The following LTBP2 variants were observed in gnomAD, a reference collection of about 807,000 sequenced individuals.
LTBP2 encodes the protein latent-transforming growth factor beta-binding protein 2.
Under a neutral mutation model 210.6 loss-of-function variants are expected in LTBP2, and 103 were observed. The ratio of observed to expected loss-of-function variants is 0.49; its 90% CI spans 0.42 to 0.58. The LOEUF (loss-of-function observed/expected upper bound fraction) is 0.58, where lower values mean the gene tolerates loss of function less well. Ranked by LOEUF, LTBP2 falls within the 20% of genes least tolerant of loss-of-function variation. The probability of loss-of-function intolerance (pLI) is 0.00; values close to 1 mark genes in which losing one functional copy is unlikely to be tolerated. For missense variants in LTBP2, 2,313 were observed against 2,494.5 expected, an observed-to-expected ratio of 0.93 and a Z score of 1.55; for synonymous variants, 1,007 against 1,015.0, an observed-to-expected ratio of 0.99 and a Z score of 0.15.
chr14:74,507,092 TC>T, intron 26 of LTBP2, 86 bp downstream of exon 26: 1 of 1,608,376 alleles, frequency 6.2e-7, no homozygotes, highest in Non-Finnish European at 8.5e-7. Flanking sequence ...AAAAATCGTG[TC>T]CTCAGGAGAA....
At chr14:74,503,757 A>T in intron 31 of LTBP2, 151 bp from the exon 32 acceptor site, 1 of 1,423,372 alleles carries the variant, frequency 7.0e-7, no homozygotes, top group East Asian at 2.5e-5. Flanking sequence ...CCTCCTGGGG[A>T]CAATCTCTGA....
chr14:74,504,843 C>A lies in LTBP2; in HGVS notation c.4388G>T (p.Cys1463Phe). 6.2e-7 allele frequency: 1 copy of A among 1,614,140 alleles called. No individual in the cohort carries two copies. The highest frequency in any genetic ancestry group is 8.5e-7 in the Non-Finnish European group (1 of 1,180,002). Reference sequence around the variant, plus strand: ...AGGAATGTAGCCTTTTCCACTAGGGCAGATCTCGCTGAATTCAGCTATGTA... The same window carrying A: ...AGGAATGTAGCCTTTTCCACTAGGGAAGATCTCGCTGAATTCAGCTATGTA... ...SEDSAEFSEI[C>F]PSGKGYIPVE... Residue 1463 changes from cysteine (C) to phenylalanine (F), a missense_variant, in exon 30 of 36, where the codon TGC (cysteine) becomes TTC (phenylalanine). Physicochemically the swap from Cys to Phe is radical, Grantham distance 205. This residue lies in a region of LTBP2 where 443 missense variants were observed against 501.4 expected (regional missense o/e 0.88). Transcript: ENST00000261978.
intron 3 of LTBP2, among the ~76,000 whole-genome samples, chr14:74,577,268 C>A (rs1386547869): frequency 6.6e-6 from 1 of 152,150 alleles, no homozygotes; most frequent in Non-Finnish European, 1.5e-5. Context: ...TTGAGTTAAC[C>A]CCGCAGAGAA....
intron 8 of LTBP2, among the ~76,000 whole-genome samples, chr14:74,544,985 C>CAGGCCGGGGCTACATGTTGCTAAA (rs1210641007): frequency 6.6e-6 from 1 of 152,190 alleles, no homozygotes; most frequent in African/African-American, 2.4e-5. Flanking sequence ...TCTCTTAACG[C>CAGGCCGGGGCTACATGTTGCTAAA]AGGCCGGGGC....
chr14:74,514,833 A>C (rs976865500), intron 18 of LTBP2, among the ~76,000 whole-genome samples: 2 of 152,182 alleles, frequency 1.3e-5, no homozygotes, highest in Non-Finnish European at 2.9e-5. Context: ...CTGGGCTCCC[A>C]GGGTGATGGG....
intron 8 of LTBP2, among the ~76,000 whole-genome samples, chr14:74,543,195 G>A (rs530608770): frequency 1.8e-3 from 266 of 151,890 alleles, no homozygotes; most frequent in Non-Finnish European, 3.2e-3. Context: ...CAGCTAACAC[G>A]GTGAAACTCC....
chr14:74,507,250 C>A lies in LTBP2; in HGVS notation c.3836G>T (p.Ser1279Ile). 1 of 1,614,234 alleles carries A rather than the reference C, an allele frequency of 6.2e-7. No homozygotes were observed. Among genetic ancestry groups the A allele is most frequent in the South Asian group, 1.1e-5 (1 of 91,090 alleles). ...PVCGTWKCEN[S>I]PGSYRCVLGC... is the part of the protein sequence containing the mutation. ...CAGAACACAGCGGTAGGAGCCAGGG[C>A]TGTTTTCACACTTCCAGGTGCCACA... The change falls in exon 26 of 36, where the codon AGC becomes ATC. Residue 1279 changes from serine (S) to isoleucine (I), a missense_variant. Coordinates refer to ENST00000261978, the MANE Select transcript of LTBP2 (RefSeq NM_000428.3).
At chr14:74,555,730 G>A in intron 3 of LTBP2, 37 bp from the exon 4 acceptor site, 1 of 1,451,208 alleles carries the variant, frequency 6.9e-7, no homozygotes, top group Non-Finnish European at 9.2e-7. Flanking sequence ...TTTGCACCCT[G>A]GGAACAGTGT....
chr14:74,581,240 G>A (rs2088132699), intron 3 of LTBP2, among the ~76,000 whole-genome samples: 4 of 152,236 alleles, frequency 2.6e-5, no homozygotes, highest in Admixed American at 2.6e-4. Flanking sequence ...AGTGGGTGTG[G>A]TTGGCCCCCA....
intron 3 of LTBP2, among the ~76,000 whole-genome samples, chr14:74,585,448 G>A (rs1030482118): frequency 1.2e-4 from 18 of 152,198 alleles, no homozygotes; most frequent in African/African-American, 4.3e-4. Context: ...TCATAGCACA[G>A]GTATTATCAT....
In LTBP2 at chr14:74,522,790, C is replaced by T. The variant is rs1281004619; in HGVS notation, c.2659G>A (p.Asp887Asn). The stretch of plus-strand genomic sequence containing the variant: ...AAGCCCAGGGCACCCAAGTGAATAC[C>T]TGTGCAGTAGGCCTGGCTGGGGTGC... ...QLHPSQAYCT[D>N]DNECLRDPCK... The change falls in exon 16 of 36, where the codon GAT becomes AAT. Residue 887 changes from aspartate (D) to asparagine (N), a missense_variant and splice_region_variant. Asp to Asn is a conservative substitution (Grantham distance 23). Transcript: ENST00000261978. 1.9e-6 allele frequency: 3 copies of T among 1,610,516 alleles called. No homozygotes were observed. The highest frequency in any genetic ancestry group is 2.2e-5 in the East Asian group (1 of 44,854).
At chr14:74,527,967 C>G (rs1203133573) in intron 12 of LTBP2, among the ~76,000 whole-genome samples, 1 of 152,230 alleles carries the variant, frequency 6.6e-6, no homozygotes, top group Non-Finnish European at 1.5e-5. Context: ...TTACCAGTGA[C>G]CTGGGCATGA....
In LTBP2 at chr14:74,502,789, G is replaced by T; in HGVS notation, c.5034C>A (p.Asn1678Lys). 1 of 1,614,190 alleles carries T rather than the reference G, an allele frequency of 6.2e-7. No individual in the cohort carries two copies. The highest frequency in any genetic ancestry group is 8.5e-7 in the Non-Finnish European group (1 of 1,179,990). The change falls in exon 34 of 36, where the codon AAC (asparagine) becomes AAA (lysine). Residue 1678 changes from asparagine to lysine, a missense_variant. By Grantham distance (94) the Asn-to-Lys change is moderately conservative. Around this residue, in one of 3 missense-constraint regions of LTBP2, gnomAD observed 443 missense variants for 501.4 expected, o/e 0.88. Coordinates refer to ENST00000261978, the MANE Select transcript of LTBP2 (RefSeq NM_000428.3). The stretch of plus-strand genomic sequence containing the variant: ...GGACGGTGTCCTCGGGGCCCAGGTA[G>T]TTGTAGAAGGGGGCCCCATCTGGGC... ...IYGPDGAPFY[N>K]YLGPEDTVPE... is the part of the protein sequence containing the mutation.
At chr14:74,540,857 T>A (rs12891493) in intron 8 of LTBP2, among the ~76,000 whole-genome samples, 29 of 73,716 alleles carry the variant, frequency 3.9e-4, no homozygotes, top group South Asian at 3.8e-3. Flanking sequence ...ATTATATATA[T>A]TATATATATT....
At chr14:74,567,156 C>T (rs1444052070) in intron 3 of LTBP2, among the ~76,000 whole-genome samples, 1 of 152,174 alleles carries the variant, frequency 6.6e-6, no homozygotes, top group Non-Finnish European at 1.5e-5. Context: ...GGCACCCAGC[C>T]CTTGCCTGCA....
rs2088618218 is a variant in LTBP2 at position 74,611,858 on chromosome 14, G to A, written c.87C>T (p.Phe29=). ...CCCTTTGGGCATGACCCGCGCCCAC[G>A]AAGAGAGCCAGGGTGAGCGGCAGGA... ...RGFLPLTLAL[F]VGAGHAQRDP... is the part of the protein sequence containing the mutation. The change falls in exon 1 of 36, where the codon TTC becomes TTT. Residue 29 remains phenylalanine (F), a synonymous_variant. Transcript: ENST00000261978. 6.2e-7 allele frequency: 1 copy of A among 1,610,798 alleles called. No homozygotes were observed. Among genetic ancestry groups the A allele is most frequent in the African/African-American group, 1.3e-5 (1 of 75,016 alleles).
intron 8 of LTBP2, among the ~76,000 whole-genome samples, chr14:74,539,370 T>A (rs1205165583): frequency 6.6e-6 from 1 of 152,056 alleles, no homozygotes; most frequent in African/African-American, 2.4e-5. Flanking sequence ...AAGAGCTGGG[T>A]GAGCCAGCAG....
chr14:74,553,109 G>A, intron 4 of LTBP2, 47 bp from the exon 5 acceptor site: 3 of 1,586,074 alleles, frequency 1.9e-6, no homozygotes, highest in Non-Finnish European at 2.6e-6. Context: ...GAGAGGCACA[G>A]CTGTGACCTC....
rs79520047 is a variant in LTBP2, at chr14:74,550,538, G to T, written c.1686+526C>A. 1.5e-4 allele frequency among the ~76,000 whole-genome samples: 23 copies of T among 152,272 alleles called. No homozygotes were observed. In the East Asian group the frequency reaches 2.7e-3, roughly 18 times the overall value. Reference sequence around the variant, plus strand: ...TGGGTCTGGTCTAACCCCTATTCTTGGGTGCCTGGCCTCAGAAAATCTTCC... The same window carrying T: ...TGGGTCTGGTCTAACCCCTATTCTTTGGTGCCTGGCCTCAGAAAATCTTCC... On this transcript the variant is annotated intron_variant, in intron 7 of 35. Transcript: ENST00000261978.
Sources: allele counts gnomAD v4.1 joint callset (sites outside exome capture counted in the v4.1 genomes callset), GRCh38; gene constraint gnomAD v4.1.1; regional missense constraint gnomAD v4.1.1; transcripts MANE v1.5; gene names NCBI Gene and HGNC (gene_info 2026-07-23, HGNC 2026-07-21).